LETM1: variants seen among roughly 807,000 people sequenced by gnomAD.
LETM1 encodes the protein leucine zipper and EF-hand containing transmembrane protein 1, also known as mitochondrial proton/calcium exchanger protein.
In LETM1, 50 loss-of-function variants were observed where a neutral mutation model predicts 74.5. The observed-to-expected ratio is 0.67, with a 90% confidence interval of 0.53 to 0.85. The LOEUF (loss-of-function observed/expected upper bound fraction) is 0.85. Ranked by LOEUF, LETM1 falls within the 40% of genes least tolerant of loss-of-function variation. The pLI is 0.00. For synonymous variants in LETM1, 446 were observed against 407.1 expected, an observed-to-expected ratio of 1.10 and a Z score of -1.15; for missense variants, 824 against 967.8, an observed-to-expected ratio of 0.85 and a Z score of 1.97.
At chr4:1,835,674 AG>A (rs1712441816) in intron 4 of LETM1, among the ~76,000 whole-genome samples, 1 of 152,204 alleles carries the variant, frequency 6.6e-6, no homozygotes, top group South Asian at 2.1e-4. Context: ...GAGAACAGGC[AG>A]GGTCCTGATC....
chr4:1,822,059 T>C, intron 10 of LETM1, 122 bp downstream of exon 10: 1 of 1,031,226 alleles, frequency 9.7e-7, no homozygotes, highest in Non-Finnish European at 1.3e-6. Context: ...CCTTGCACCA[T>C]CTCCTCTCAC....
intron 9 of LETM1, 176 bp from the exon 10 acceptor site, chr4:1,822,488 AC>A (rs1215864680): frequency 1.5e-5 from 9 of 611,544 alleles, no homozygotes; most frequent in Non-Finnish European, 1.9e-5. Flanking sequence ...CTGCCAGGTC[AC>A]CTGGGGCCCT....
intron 2 of LETM1, among the ~76,000 whole-genome samples, chr4:1,842,696 C>T (rs1332455789): frequency 6.6e-6 from 1 of 152,236 alleles, no homozygotes; most frequent in Non-Finnish European, 1.5e-5. Context: ...AGACCCATCT[C>T]GGTCCACGCT....
At chr4:1,828,633 G>A (rs1319499905) in intron 6 of LETM1, among the ~76,000 whole-genome samples, 1 of 133,678 alleles carries the variant, frequency 7.5e-6, no homozygotes, top group Non-Finnish European at 1.6e-5. Context: ...AGGGGCGGCC[G>A]GGCAGAGGCG....
chr4:1,854,479 C>CAA (rs538075828), intron 1 of LETM1, among the ~76,000 whole-genome samples: 8 of 100,484 alleles, frequency 8.0e-5, no homozygotes, highest in East Asian at 2.9e-4. Flanking sequence ...GACTCCATTT[C>CAA]AAAAAAAAAA....
intron 11 of LETM1, 57 bp from the exon 12 acceptor site, chr4:1,816,971 T>G: frequency 1.3e-5 from 19 of 1,443,012 alleles, no homozygotes; most frequent in Non-Finnish European, 1.8e-5. Context: ...GGGGGTCAGG[T>G]GTAGTGGCTC....
chr4:1,848,440 T>A (rs999946572), intron 2 of LETM1, among the ~76,000 whole-genome samples: 2 of 150,354 alleles, frequency 1.3e-5, no homozygotes, highest in African/African-American at 4.9e-5. Context: ...TCCAGCTACT[T>A]GGGAGGCTGA....
At chr4:1,816,672 CCA>C in intron 12 of LETM1, 53 bp downstream of exon 12, 1 of 1,537,118 alleles carries the variant, frequency 6.5e-7, no homozygotes. Flanking sequence ...AGCAAAGGGA[CCA>C]GCCTCCCTAT....
Position 1,822,905 on chromosome 4 carries a change from G to A in LETM1, c.1476+83C>T, listed in dbSNP as rs908430662. 9.0e-6 allele frequency: 11 copies of A among 1,228,344 alleles called. No homozygotes were observed. In the African/African-American group the frequency reaches 1.6e-4, roughly 17 times the overall value. The allele number at this position is 1,228,344 out of a possible 1,614,324, so 76.1% of individuals were successfully genotyped here. A position where few individuals can be genotyped will look rare whatever the true frequency, so the allele number is the denominator to read the frequency against. The stretch of plus-strand genomic sequence containing the variant: ...GAGCTGCAGGGCAAGCATGCGGGAG[G>A]CCAAGACTGTGGGCGTGCGGGGGTT... On this transcript the variant is annotated intron_variant, in intron 9 of 13. Transcript: ENST00000302787.
At chr4:1,825,073 G>A (rs539962524) in intron 7 of LETM1, among the ~76,000 whole-genome samples, 2 of 152,310 alleles carry the variant, frequency 1.3e-5, no homozygotes, top group African/African-American at 4.8e-5. Context: ...GAGTGGCTGG[G>A]GCTGTCACTT....
In LETM1 at chr4:1,815,770, TTGA is replaced by T; in HGVS notation, c.1961_1963del (p.Ile654del). 1 of 1,614,192 alleles carries T rather than the reference TTGA, an allele frequency of 6.2e-7. No homozygotes were observed. Among genetic ancestry groups the T allele is most frequent in the Non-Finnish European group, 8.5e-7 (1 of 1,180,010 alleles). On this transcript the variant is annotated inframe_deletion, in exon 13 of 14. Coordinates refer to ENST00000302787, the MANE Select transcript of LETM1 (RefSeq NM_012318.3). ...AATGTGCTTGACTTGCTTCATGGCGTTGATGAGCTCAGCGACACTGATGACGTT... is the reference window on the plus strand; with the variant it reads ...AATGTGCTTGACTTGCTTCATGGCGTTGAGCTCAGCGACACTGATGACGTT...
At chr4:1,814,670 G>GGCA in intron 13 of LETM1, 97 bp from the exon 14 acceptor site, 2 of 1,044,510 alleles carry the variant, frequency 1.9e-6, no homozygotes, top group Non-Finnish European at 2.9e-6. Flanking sequence ...CAGCTGGGGT[G>GGCA]GCAGCAGCAT....
chr4:1,829,260 G>T (rs1712167022), intron 6 of LETM1, among the ~76,000 whole-genome samples: 1 of 142,644 alleles, frequency 7.0e-6, no homozygotes, highest in African/African-American at 2.7e-5. Flanking sequence ...CGGCTGGCCG[G>T]GCAGAGGGGC....
chr4:1,848,726 A>G (rs1712967605), intron 2 of LETM1, among the ~76,000 whole-genome samples: 1 of 150,686 alleles, frequency 6.6e-6, no homozygotes, highest in African/African-American at 2.4e-5. Flanking sequence ...AAAAAAAAAA[A>G]AAAAAAAAAA....
chr4:1,830,449 G>A (rs1458325185), intron 6 of LETM1, among the ~76,000 whole-genome samples: 1 of 152,124 alleles, frequency 6.6e-6, no homozygotes, highest in Non-Finnish European at 1.5e-5. Context: ...TCCTGCCTCA[G>A]CCTCCTGAGT....
At chr4:1,822,485 G>A (rs1358368431) in intron 9 of LETM1, 173 bp from the exon 10 acceptor site, 1 of 629,348 alleles carries the variant, frequency 1.6e-6, no homozygotes, top group Non-Finnish European at 2.3e-6. Flanking sequence ...CAGCTGCCAG[G>A]TCACCTGGGG....
intron 10 of LETM1, among the ~76,000 whole-genome samples, chr4:1,820,705 T>TA (rs1407999559): frequency 6.6e-6 from 1 of 152,226 alleles, no homozygotes; most frequent in Non-Finnish European, 1.5e-5. Context: ...TTTTCTAATT[T>TA]AGTCTGTTAA....
intron 1 of LETM1, among the ~76,000 whole-genome samples, chr4:1,852,546 C>G (rs938418621): frequency 6.6e-6 from 1 of 152,236 alleles, no homozygotes; most frequent in Non-Finnish European, 1.5e-5. Flanking sequence ...CCTCTAATCA[C>G]AGCATGGCCA....
chr4:1,844,645 T>C (rs1443644496), intron 2 of LETM1, among the ~76,000 whole-genome samples: 1 of 151,878 alleles, frequency 6.6e-6, no homozygotes, highest in Non-Finnish European at 1.5e-5. Flanking sequence ...GCGTGAGAAC[T>C]GCTTGAAGCC....
Sources: allele counts gnomAD v4.1 joint callset (sites outside exome capture counted in the v4.1 genomes callset), GRCh38; gene constraint gnomAD v4.1.1; transcripts MANE v1.5; gene names NCBI Gene and HGNC (gene_info 2026-07-23, HGNC 2026-07-21).